Variants in UGT1A7 observed in about 807,000 individuals in gnomAD.
The protein encoded by UGT1A7 is UDP-glucuronosyltransferase 1A7.
A neutral mutation model predicts 45.6 loss-of-function variants in UGT1A7; 33 were observed. That is an observed-to-expected ratio of 0.72 (90% CI 0.55 to 0.97). The LOEUF (loss-of-function observed/expected upper bound fraction) is 0.97, where lower values mean the gene tolerates loss of function less well. UGT1A7 is among the 50% of genes least tolerant of loss of function. The pLI is 0.00. For synonymous variants in UGT1A7, 274 were observed against 250.6 expected, an observed-to-expected ratio of 1.09 and a Z score of -0.88; for missense variants, 684 against 666.2, an observed-to-expected ratio of 1.03 and a Z score of -0.29.
At chr2:233,744,288 T>C (rs1457237548) in intron 1 of UGT1A7, among the ~76,000 whole-genome samples, 5 of 151,784 alleles carry the variant, frequency 3.3e-5, no homozygotes, top group Non-Finnish European at 7.4e-5. Context: ...TATCAGTCTT[T>C]TTCCTCGGCC....
rs200412341 is a variant in UGT1A7 at position 233,760,665 on chromosome 2, C to T, written c.856-6369C>T. The T allele has an allele frequency of 2.6e-5, 42 of 1,614,226 alleles. No individual in the cohort carries two copies. The East Asian group carries it at 8.9e-4, about 34-fold the overall frequency. On this transcript the variant is annotated intron_variant, in intron 1 of 4. Transcript: ENST00000373426. ...AGGACTCTGCTATGCTTTTGTCTGG[C>T]TGTTCCCACTTACTGCACAACAAGG...
intron 1 of UGT1A7, among the ~76,000 whole-genome samples, chr2:233,719,840 T>A (rs2076807243): frequency 6.6e-6 from 1 of 152,240 alleles, no homozygotes; most frequent in South Asian, 2.1e-4. Flanking sequence ...GCCTAGTGTA[T>A]TTCAAGTTTT....
At chr2:233,761,840 A>T (rs1697880873) in intron 1 of UGT1A7, among the ~76,000 whole-genome samples, 1 of 152,140 alleles carries the variant, frequency 6.6e-6, no homozygotes, top group African/African-American at 2.4e-5. Context: ...AGCGTTAGGG[A>T]ATTACTCTTT....
chr2:233,755,496 C>G (rs1460614171), intron 1 of UGT1A7: 1 of 187,824 alleles, frequency 5.3e-6, no homozygotes, highest in African/African-American at 2.4e-5. Context: ...TGTGATGCTC[C>G]AAGACCAGGC....
At position 233,725,275 on chromosome 2, in the gene UGT1A7, CAGAGGCAGAG is replaced by C. The variant is rs2077421204; in HGVS notation, c.856-41758_856-41749del. On this transcript the variant is annotated intron_variant, in intron 1 of 4. Coordinates refer to ENST00000373426, the MANE Select transcript of UGT1A7 (RefSeq NM_019077.3). ...GAGGCAGAGGCAGAGGAGGCAGAGG[CAGAGGCAGAG>C]GCAGAGGCAGAGGCAGAGGCAGAGG... 7.5e-5 allele frequency among the ~76,000 whole-genome samples: 2 copies of C among 26,790 alleles called. 1 individual carries two copies. Among genetic ancestry groups the C allele is most frequent in the Admixed American group, 6.8e-4 (2 of 2,920 alleles). The allele number at this position is 26,790 out of a possible 152,430, so 17.6% of individuals were successfully genotyped here.
intron 1 of UGT1A7, chr2:233,718,823 G>A (rs1052666915): frequency 1.2e-6 from 2 of 1,613,376 alleles, no homozygotes; most frequent in African/African-American, 2.7e-5. Context: ...CTGCTGAGAT[G>A]GCCAGAGGAC....
At chr2:233,760,225 G>A (rs1047777533) in intron 1 of UGT1A7, 1 of 1,585,000 alleles carries the variant, frequency 6.3e-7, no homozygotes. Flanking sequence ...GTATCGATTG[G>A]TTTTTGCCAT....
chr2:233,702,619 T>A (rs1302188822), intron 1 of UGT1A7, among the ~76,000 whole-genome samples: 2 of 152,160 alleles, frequency 1.3e-5, no homozygotes, highest in Non-Finnish European at 2.9e-5. Flanking sequence ...CCCCACATTA[T>A]GAGATTGAGG....
chr2:233,684,446 C>T (rs2074680414), intron 1 of UGT1A7, among the ~76,000 whole-genome samples: 1 of 152,152 alleles, frequency 6.6e-6, no homozygotes, highest in Admixed American at 6.6e-5. Context: ...TGTGGCCTGC[C>T]ACTTTCTGAA....
intron 1 of UGT1A7, among the ~76,000 whole-genome samples, chr2:233,759,493 G>T (rs1697150879): frequency 6.6e-6 from 1 of 152,220 alleles, no homozygotes; most frequent in South Asian, 2.1e-4. Flanking sequence ...GCTCTTTCAG[G>T]TTCACACTAA....
chr2:233,754,728 C>T (rs964525273), intron 1 of UGT1A7: 1 of 620,812 alleles, frequency 1.6e-6, no homozygotes, highest in African/African-American at 1.9e-5. Context: ...TGTCCCATCA[C>T]TACCGTAGGA....
chr2:233,710,795 T>C (rs914559681), intron 1 of UGT1A7, among the ~76,000 whole-genome samples: 1 of 152,238 alleles, frequency 6.6e-6, no homozygotes. Flanking sequence ...TTGTGTTTTG[T>C]ACCCCTCGTG....
intron 1 of UGT1A7, chr2:233,747,939 G>A (rs1693817235): frequency 2.5e-6 from 4 of 1,613,396 alleles, no homozygotes; most frequent in Non-Finnish European, 3.4e-6. Flanking sequence ...TCAGAGGGAG[G>A]TGTCAGTGGT....
chr2:233,757,537 T>TATATATACATATAC lies in UGT1A7; in HGVS notation c.856-9490_856-9489insCATATACATATATA, dbSNP rs1472416448. Among the ~76,000 whole-genome samples the TATATATACATATAC allele has an allele frequency of 1.3e-3, 136 of 107,742 alleles. 2 individuals carry two copies. Among genetic ancestry groups the TATATATACATATAC allele is most frequent in the African/African-American group, 3.9e-3 (84 of 21,496 alleles). 70.7% of individuals were successfully genotyped at this position (107,742 alleles called of 152,430 possible). A position where few individuals can be genotyped will look rare whatever the true frequency, so the allele number is the denominator to read the frequency against. ...AAGCCAAAATCTTGCCTGTAAGGAA[T>TATATATACATATAC]ATATATATATATATATATATATATG... On this transcript the variant is annotated intron_variant, in intron 1 of 4. Transcript: ENST00000373426.
chr2:233,772,912 C>A lies in UGT1A7; in HGVS notation c.*353C>A. 2.6e-6 allele frequency: 1 copy of A among 388,966 alleles called. No individual in the cohort carries two copies. The highest frequency in any genetic ancestry group is 4.5e-6 in the Non-Finnish European group (1 of 221,770). The allele number at this position is 388,966 out of a possible 1,614,324, so 24.1% of individuals were successfully genotyped here. ...GGTGGTCCCACGGCTGCCCCTACTGCAAATGGCAGTTTTAATCTTATCTTT... is the reference window on the plus strand; with the variant it reads ...GGTGGTCCCACGGCTGCCCCTACTGAAAATGGCAGTTTTAATCTTATCTTT... On this transcript the variant is annotated 3_prime_UTR_variant, in exon 5 of 5. Coordinates refer to ENST00000373426, the MANE Select transcript of UGT1A7 (RefSeq NM_019077.3).
intron 1 of UGT1A7, among the ~76,000 whole-genome samples, chr2:233,697,134 A>G (rs537171274): frequency 4.9e-4 from 74 of 151,982 alleles, no homozygotes; most frequent in Non-Finnish European, 9.4e-4. Context: ...ATTTTTCTGT[A>G]ATAGTTTGAG....
intron 1 of UGT1A7, among the ~76,000 whole-genome samples, chr2:233,695,503 G>T (rs2075293003): frequency 6.6e-6 from 1 of 151,528 alleles, no homozygotes; most frequent in African/African-American, 2.4e-5. Context: ...AAAGTTTTTG[G>T]AGTATTACAA....
intron 1 of UGT1A7, chr2:233,729,068 A>C: frequency 6.2e-7 from 1 of 1,611,394 alleles, no homozygotes. Context: ...AGATGAAGAA[A>C]GCAAATGTAG....
At chr2:233,743,943 G>A in intron 1 of UGT1A7, 2 of 1,352,238 alleles carry the variant, frequency 1.5e-6, no homozygotes, top group Non-Finnish European at 9.9e-7. Flanking sequence ...GGCCCACCAG[G>A]CACTGGCACA....
Sources: allele counts gnomAD v4.1 joint callset (sites outside exome capture counted in the v4.1 genomes callset), GRCh38; gene constraint gnomAD v4.1.1; transcripts MANE v1.5; gene names NCBI Gene and HGNC (gene_info 2026-07-23, HGNC 2026-07-21).